The following HOOK3 variants were observed in gnomAD, a reference collection of about 807,000 sequenced individuals.
HOOK3 encodes hook microtubule tethering protein 3, also known as protein Hook homolog 3.
HOOK3 carries 24 observed loss-of-function variants against 116.3 expected under a neutral mutation model. The ratio of observed to expected loss-of-function variants is 0.21; its 90% CI spans 0.15 to 0.29. The LOEUF (loss-of-function observed/expected upper bound fraction) is 0.29. HOOK3 is among the 10% of genes least tolerant of loss of function. HOOK3 has a pLI of 1.00. For synonymous variants in HOOK3, 275 were observed against 283.0 expected, an observed-to-expected ratio of 0.97 and a Z score of 0.28; for missense variants, 632 against 830.2, an observed-to-expected ratio of 0.76 and a Z score of 2.93.
intron 1 of HOOK3, among the ~76,000 whole-genome samples, chr8:42,901,756 GGC>G (rs2130312340): frequency 6.6e-6 from 1 of 152,284 alleles, no homozygotes; most frequent in South Asian, 2.1e-4. Context: ...CTGTTGCCCA[GGC>G]TGGAGTGCAG....
rs1809865434 is a variant in HOOK3, at chr8:43,023,367, T to A, written c.*4869T>A. The A allele has an allele frequency of 5.7e-6, 1 of 176,256 alleles. No homozygotes were observed. Among genetic ancestry groups the A allele is most frequent in the Non-Finnish European group, 1.2e-5 (1 of 83,024 alleles). 10.9% of individuals were successfully genotyped at this position (176,256 alleles called of 1,614,324 possible). A position where few individuals can be genotyped will look rare whatever the true frequency, so the allele number is the denominator to read the frequency against. ...ATATACATTTTATTGATGAGCCACT[T>A]TGCTATCTCTCCTTCCTTCCTCCTT... On this transcript the variant is annotated 3_prime_UTR_variant, in exon 22 of 22. Coordinates refer to ENST00000307602, the MANE Select transcript of HOOK3 (RefSeq NM_032410.4).
intron 2 of HOOK3, among the ~76,000 whole-genome samples, chr8:42,920,235 C>T (rs1159022097): frequency 4.6e-5 from 7 of 152,202 alleles, no homozygotes; most frequent in African/African-American, 1.7e-4. Context: ...GAACTGTCAT[C>T]TCTTCCTAGT....
chr8:42,923,174 C>G lies in HOOK3; in HGVS notation c.144-2383C>G, dbSNP rs544337568. ...CCATGGTGAGACACCACTTCACAAC[C>G]ACTAGGAGGGCTATAACTAAAAAGA... is the stretch of plus-strand genomic sequence containing the variant. On this transcript the variant is annotated intron_variant, in intron 2 of 21. Coordinates refer to ENST00000307602, the MANE Select transcript of HOOK3 (RefSeq NM_032410.4). 1.3e-4 allele frequency among the ~76,000 whole-genome samples: 20 copies of G among 152,286 alleles called. No individual in the cohort carries two copies. The South Asian group carries it at 3.5e-3, about 27-fold the overall frequency.
At chr8:42,912,179 C>T (rs536362244) in intron 2 of HOOK3, among the ~76,000 whole-genome samples, 17 of 152,280 alleles carry the variant, frequency 1.1e-4, no homozygotes, top group Non-Finnish European at 2.1e-4. Flanking sequence ...CAGTCCTTCT[C>T]ATTTTGTCTG....
intron 8 of HOOK3, among the ~76,000 whole-genome samples, chr8:42,963,671 TTTAATTTTATTTATTC>T (rs1808577909): frequency 6.6e-6 from 1 of 152,248 alleles, no homozygotes; most frequent in South Asian, 2.1e-4. Context: ...AGTCAGTCTT[TTTAATTTTATTTATTC>T]TAGTGGGAGT....
In HOOK3 at chr8:43,018,838, T is replaced by A. The variant is rs1345617105; in HGVS notation, c.*340T>A. On this transcript the variant is annotated 3_prime_UTR_variant, in exon 22 of 22. Coordinates refer to ENST00000307602, the MANE Select transcript of HOOK3 (RefSeq NM_032410.4). ...AATTAGATTTTCTGCCAATAATTGA[T>A]ATACAATTTATATTCTTTATTGTGC... 2 of 245,804 alleles carry A rather than the reference T, an allele frequency of 8.1e-6. No individual in the cohort carries two copies. The highest frequency in any genetic ancestry group is 1.6e-5 in the Non-Finnish European group (2 of 126,762). The allele number at this position is 245,804 out of a possible 1,614,324, so 15.2% of individuals were successfully genotyped here. A position where few individuals can be genotyped will look rare whatever the true frequency, so the allele number is the denominator to read the frequency against.
intron 1 of HOOK3, among the ~76,000 whole-genome samples, chr8:42,902,155 C>T (rs1220696118): frequency 6.6e-6 from 1 of 152,148 alleles, no homozygotes; most frequent in African/African-American, 2.4e-5. Flanking sequence ...AAATGCCAAA[C>T]CAGTGCCCAG....
chr8:42,936,123 G>A (rs1437216257), intron 4 of HOOK3, among the ~76,000 whole-genome samples: 1 of 152,122 alleles, frequency 6.6e-6, no homozygotes, highest in Non-Finnish European at 1.5e-5. Flanking sequence ...TGTGAGTTGT[G>A]TATTCCTAGG....
intron 18 of HOOK3, 130 bp downstream of exon 18, chr8:43,008,059 C>T: frequency 5.3e-6 from 2 of 375,334 alleles, no homozygotes; most frequent in Non-Finnish European, 4.6e-6. Flanking sequence ...CTCACTCTCA[C>T]CCAGGCTGGA....
intron 1 of HOOK3, among the ~76,000 whole-genome samples, chr8:42,897,897 C>T (rs1294051435): frequency 6.6e-6 from 1 of 152,202 alleles, no homozygotes; most frequent in African/African-American, 2.4e-5. Flanking sequence ...GAACCGACGC[C>T]CGGGTTCCAG....
At chr8:42,913,558 A>G (rs140739438) in intron 2 of HOOK3, among the ~76,000 whole-genome samples, 1 of 152,254 alleles carries the variant, frequency 6.6e-6, no homozygotes, top group South Asian at 2.1e-4. Flanking sequence ...GCTGTTACAG[A>G]TAAAGGTGCT....
chr8:42,946,239 G>T (rs1808222901), intron 5 of HOOK3, among the ~76,000 whole-genome samples: 3 of 152,164 alleles, frequency 2.0e-5, no homozygotes, highest in South Asian at 4.1e-4. Flanking sequence ...GAACGCAGAG[G>T]TGAGTGTTCC....
chr8:42,934,364 AT>A (rs1807925931), intron 4 of HOOK3, among the ~76,000 whole-genome samples: 1 of 152,124 alleles, frequency 6.6e-6, no homozygotes, highest in Non-Finnish European at 1.5e-5. Context: ...CTATGAGAAT[AT>A]TAATCATAGA....
intron 4 of HOOK3, among the ~76,000 whole-genome samples, chr8:42,933,341 G>T (rs1807906635): frequency 6.6e-6 from 1 of 152,084 alleles, no homozygotes; most frequent in African/African-American, 2.4e-5. Flanking sequence ...AATCCTTTAG[G>T]CCAGATTCAT....
At chr8:42,924,310 T>C in intron 2 of HOOK3, among the ~76,000 whole-genome samples, 1 of 151,442 alleles carries the variant, frequency 6.6e-6, no homozygotes, top group African/African-American at 2.4e-5. Context: ...AGTTTTGTCC[T>C]CCCTCCCTCC....
intron 8 of HOOK3, among the ~76,000 whole-genome samples, chr8:42,963,937 G>A (rs1808581641): frequency 6.6e-6 from 1 of 152,374 alleles, no homozygotes. Flanking sequence ...GCCGGGCGCA[G>A]TGGCTCACGC....
rs995530435 is a variant in HOOK3, at chr8:43,023,823, T to C, written c.*5325T>C. ...TCGTTTGCTAAGTAATTGTTTGAAATATTTTTCAGCCTCTCCTGCTCCCTC... is the reference window on the plus strand; with the variant it reads ...TCGTTTGCTAAGTAATTGTTTGAAACATTTTTCAGCCTCTCCTGCTCCCTC... On this transcript the variant is annotated 3_prime_UTR_variant, in exon 22 of 22. Transcript: ENST00000307602. The C allele has an allele frequency of 3.9e-5, 8 of 204,668 alleles. No homozygotes were observed. The highest frequency in any genetic ancestry group is 1.6e-4 in the African/African-American group (7 of 43,844). 12.7% of individuals were successfully genotyped at this position (204,668 alleles called of 1,614,324 possible).
At chr8:43,012,527 ATGTT>A (rs1482692866) in intron 19 of HOOK3, among the ~76,000 whole-genome samples, 2 of 152,200 alleles carry the variant, frequency 1.3e-5, no homozygotes, top group African/African-American at 4.8e-5. Flanking sequence ...AAAAAGTTTT[ATGTT>A]TGTACAAATA....
At chr8:42,950,834 T>C (rs1295927936) in intron 6 of HOOK3, among the ~76,000 whole-genome samples, 2 of 152,000 alleles carry the variant, frequency 1.3e-5, no homozygotes, top group Non-Finnish European at 2.9e-5. Flanking sequence ...TACAGGTGTG[T>C]GCCACCATGC....
Sources: gnomAD v4.1 joint callset for allele counts (sites outside exome capture counted in the v4.1 genomes callset) on GRCh38, gnomAD v4.1.1 for gene constraint, MANE v1.5 for transcripts, NCBI Gene and HGNC (gene_info 2026-07-23, HGNC 2026-07-21) for gene names.